The following CHLSN variants were observed in gnomAD, a reference collection of about 807,000 sequenced individuals.
The protein encoded by CHLSN is protein cholesin.
At chr7:1,016,628 GTAGCGCACGC>G in the CHLSN span, among the ~76,000 whole-genome samples, 114 of 98,066 alleles carry the variant, frequency 1.2e-3, 3 homozygotes, top group Middle Eastern at 8.1e-3. Flanking sequence ...CCAGAGCACA[GTAGCGCACGC>G]CAGCGCACAG....
chr7:1,063,064 T>C, the CHLSN span, among the ~76,000 whole-genome samples: 1 of 152,052 alleles, frequency 6.6e-6, no homozygotes, highest in South Asian at 2.1e-4. Context: ...ACCTGCCCCC[T>C]CCGTTCTCTC....
the CHLSN span, among the ~76,000 whole-genome samples, chr7:1,033,302 G>A: frequency 6.6e-6 from 1 of 152,180 alleles, no homozygotes; most frequent in African/African-American, 2.4e-5. Flanking sequence ...TCACGCCTGT[G>A]ATCCCAGCAC....
At chr7:1,123,837 GGAACGTGCTGCCGACCCCTGCTGGT>G in the CHLSN span, among the ~76,000 whole-genome samples, 1 of 152,190 alleles carries the variant, frequency 6.6e-6, no homozygotes, top group East Asian at 1.9e-4. The surrounding 1 kb of genome is among the most constrained non-coding windows in gnomAD (Gnocchi z 4.4). Flanking sequence ...TCCCTCGGAA[GGAACGTGCTGCCGACCCCTGCTGGT>G]GAACCGGGCT....
chr7:1,042,030 G>A, the CHLSN span, among the ~76,000 whole-genome samples: 6 of 152,116 alleles, frequency 3.9e-5, no homozygotes, highest in Non-Finnish European at 7.4e-5. Context: ...TCGGCAGTGC[G>A]CGGGGCTGCA....
the CHLSN span, among the ~76,000 whole-genome samples, chr7:1,027,588 G>A: frequency 9.2e-5 from 14 of 152,374 alleles, no homozygotes; most frequent in East Asian, 2.7e-3. Flanking sequence ...GGCCTGCTCC[G>A]CCGTCCTCAG....
chr7:1,110,149 T>A, the CHLSN span, among the ~76,000 whole-genome samples: 1 of 151,624 alleles, frequency 6.6e-6, no homozygotes, highest in Non-Finnish European at 1.5e-5. Flanking sequence ...CAGGGCTCAG[T>A]CCGTGGAAGA....
At chr7:1,119,834 G>A in the CHLSN span, among the ~76,000 whole-genome samples, 3 of 149,998 alleles carry the variant, frequency 2.0e-5, no homozygotes, top group African/African-American at 7.4e-5. Flanking sequence ...CCGAGATTGT[G>A]TCACTGCACT....
chr7:1,136,348 A>G, the CHLSN span, among the ~76,000 whole-genome samples: 1 of 74,958 alleles, frequency 1.3e-5, no homozygotes, highest in Non-Finnish European at 2.3e-5. Flanking sequence ...AAACATATAA[A>G]TATATATAAA....
the CHLSN span, among the ~76,000 whole-genome samples, chr7:1,005,140 A>C: frequency 2.6e-5 from 4 of 152,232 alleles, no homozygotes; most frequent in African/African-American, 7.2e-5. Context: ...AAATACAAAA[A>C]ATTAGCCGGG....
At chr7:1,044,138 G>C in the CHLSN span, among the ~76,000 whole-genome samples, 5 of 152,228 alleles carry the variant, frequency 3.3e-5, no homozygotes, top group Admixed American at 3.3e-4. Flanking sequence ...CTTCGGTGAA[G>C]AAAGAGGGGC....
At chr7:995,957 G>A in the CHLSN span, among the ~76,000 whole-genome samples, 1 of 152,202 alleles carries the variant, frequency 6.6e-6, no homozygotes, top group Non-Finnish European at 1.5e-5. Context: ...GAGGACCTGG[G>A]GACACGGTCC....
chr7:1,070,376 G>C, the CHLSN span, among the ~76,000 whole-genome samples: 1 of 121,782 alleles, frequency 8.2e-6, no homozygotes, highest in Non-Finnish European at 1.9e-5. Flanking sequence ...CCCCCCGCCC[G>C]GCCAGCCGCC....
At chr7:1,036,688 C>CAGGCTGGGCATGCTGGCACATACCT in the CHLSN span, among the ~76,000 whole-genome samples, 1 of 149,226 alleles carries the variant, frequency 6.7e-6, no homozygotes, top group Non-Finnish European at 1.5e-5. Context: ...AAAAAAAATC[C>CAGGCTGGGCATGCTGGCACATACCT]GATAGGGGAA....
the CHLSN span, among the ~76,000 whole-genome samples, chr7:1,002,390 TG>T: frequency 1.7e-5 from 2 of 115,008 alleles, no homozygotes; most frequent in African/African-American, 3.4e-5. Flanking sequence ...TGGGGAGTCC[TG>T]TGGGTGAGTG....
the CHLSN span, among the ~76,000 whole-genome samples, chr7:1,059,861 GGGTCTGT>G: frequency 6.9e-3 from 732 of 106,578 alleles, 52 homozygotes; most frequent in Non-Finnish European, 9.7e-3. Flanking sequence ...GTAGTGGGGC[GGGTCTGT>G]AGTGGGGCGG....
chr7:1,136,664 T>C, the CHLSN span, among the ~76,000 whole-genome samples: 71,933 of 145,828 alleles, frequency 0.49, 18,251 homozygotes, highest in African/African-American at 0.56. Context: ...AAACTGTGTA[T>C]ATATATAACT....
At chr7:1,127,438 C>T in the CHLSN span, 12 of 1,516,930 alleles carry the variant, frequency 7.9e-6, no homozygotes, top group Non-Finnish European at 9.7e-6. Context: ...AGGCTTAACT[C>T]ATGTAAGATT....
chr7:1,002,776 GA>G, the CHLSN span, among the ~76,000 whole-genome samples: 1 of 97,620 alleles, frequency 1.0e-5, no homozygotes. Context: ...GTCCTTGGGT[GA>G]GTGGAGTCCT....
the CHLSN span, among the ~76,000 whole-genome samples, chr7:1,083,607 G>A: frequency 1.3e-5 from 2 of 150,216 alleles, no homozygotes; most frequent in Non-Finnish European, 3.0e-5. Flanking sequence ...CAGCCTGGGC[G>A]ACAGAGCAAG....
Sources: gnomAD v4.1 joint callset for allele counts (sites outside exome capture counted in the v4.1 genomes callset) on GRCh38, gnomAD v4.1.1 for gene constraint, Gnocchi (gnomAD v3.1) non-coding constraint, MANE v1.5 for transcripts, NCBI Gene and HGNC (gene_info 2026-07-23, HGNC 2026-07-21) for gene names.